Variants in FAM169A observed in about 807,000 individuals in gnomAD.
FAM169A encodes the protein soluble lamin-associated protein of 75 kDa.
FAM169A carries 24 observed loss-of-function variants against 75.7 expected under a neutral mutation model. That is an observed-to-expected ratio of 0.32 (90% CI 0.23 to 0.45). The LOEUF is 0.45. Among genes scored for constraint, FAM169A ranks in the 20% least tolerant of loss-of-function variants. The pLI is 1.00. For synonymous variants in FAM169A, 271 were observed against 271.0 expected (o/e 1.00, Z 0.00); for missense variants, 673 against 784.0 (o/e 0.86, Z 1.69).
chr5:74,823,472 C>A (rs1747865336), intron 5 of FAM169A, among the ~76,000 whole-genome samples: 1 of 152,168 alleles, frequency 6.6e-6, no homozygotes, highest in South Asian at 2.1e-4. Flanking sequence ...GTTGATACCT[C>A]AAATGTATTA....
At chr5:74,857,881 A>G (rs534442330) in intron 1 of FAM169A, among the ~76,000 whole-genome samples, 1 of 152,280 alleles carries the variant, frequency 6.6e-6, no homozygotes, top group Non-Finnish European at 1.5e-5. Context: ...CCTTGGGTCT[A>G]TCCAAGCCAG....
chr5:74,809,538 G>A (rs1747061860), intron 6 of FAM169A, among the ~76,000 whole-genome samples: 1 of 152,180 alleles, frequency 6.6e-6, no homozygotes, highest in South Asian at 2.1e-4. Context: ...AGAGCTTGCA[G>A]TGAGCCGAGA....
chr5:74,837,375 T>A (rs1580146210), intron 4 of FAM169A, among the ~76,000 whole-genome samples: 1 of 152,272 alleles, frequency 6.6e-6, no homozygotes, highest in South Asian at 2.1e-4. Context: ...GATAACCAGG[T>A]ACACACATTC....
chr5:74,831,286 C>T (rs11741825), intron 5 of FAM169A, among the ~76,000 whole-genome samples: 54,363 of 151,984 alleles, frequency 0.36, 12,941 homozygotes, highest in African/African-American at 0.68. Context: ...GATACTAATG[C>T]TTGATTTTGT....
At chr5:74,853,696 T>A (rs1194848334) in intron 1 of FAM169A, among the ~76,000 whole-genome samples, 1 of 150,718 alleles carries the variant, frequency 6.6e-6, no homozygotes, top group African/African-American at 2.4e-5. Context: ...TGACCCATCT[T>A]CAGAATTTTT....
At chr5:74,795,752 C>T (rs572795219) in intron 11 of FAM169A, among the ~76,000 whole-genome samples, 2 of 152,286 alleles carry the variant, frequency 1.3e-5, no homozygotes, top group Admixed American at 6.5e-5. Context: ...TTAACTTATA[C>T]TTTAAATGCA....
At chr5:74,835,559 A>G (rs572779260) in intron 4 of FAM169A, among the ~76,000 whole-genome samples, 2 of 141,280 alleles carry the variant, frequency 1.4e-5, no homozygotes, top group South Asian at 2.2e-4. Flanking sequence ...CTGTGACTGC[A>G]CCACCGCACT....
At chr5:74,783,910 G>A (rs958473192) in intron 11 of FAM169A, among the ~76,000 whole-genome samples, 5 of 151,960 alleles carry the variant, frequency 3.3e-5, no homozygotes, top group Non-Finnish European at 5.9e-5. Context: ...GACTGTGTAG[G>A]ACCCCTAAAA....
intron 11 of FAM169A, among the ~76,000 whole-genome samples, chr5:74,791,490 T>C (rs553301177): frequency 2.0e-5 from 3 of 152,338 alleles, no homozygotes; most frequent in South Asian, 4.1e-4. Context: ...GAAGTTAAGA[T>C]TGCCACTTGG....
At chr5:74,784,460 A>T (rs1367870102) in intron 11 of FAM169A, among the ~76,000 whole-genome samples, 1 of 142,276 alleles carries the variant, frequency 7.0e-6, no homozygotes, top group Non-Finnish European at 1.5e-5. Context: ...TGAGCCAGAG[A>T]GATCATGCCA....
rs1358455077 is a variant in FAM169A, at chr5:74,779,492, T to C, written c.*1968A>G. ...TACAAGTGTTTTCAAATCTAAGAAATGAAACATGTAAAGATTAAGAATTTA... is the reference window on the plus strand; with the variant it reads ...TACAAGTGTTTTCAAATCTAAGAAACGAAACATGTAAAGATTAAGAATTTA... On this transcript the variant is annotated 3_prime_UTR_variant, in exon 13 of 13. Transcript: ENST00000687041. The C allele has an allele frequency of 6.6e-6, 1 of 152,126 alleles. No homozygotes were observed. Among genetic ancestry groups the C allele is most frequent in the Non-Finnish European group, 1.5e-5 (1 of 67,984 alleles). The allele number at this position is 152,126 out of a possible 1,614,324, so 9.4% of individuals were successfully genotyped here.
intron 5 of FAM169A, among the ~76,000 whole-genome samples, chr5:74,819,398 T>C (rs1013193507): frequency 1.3e-5 from 2 of 152,106 alleles, no homozygotes; most frequent in African/African-American, 4.8e-5. Flanking sequence ...ACAGGACAAA[T>C]AGCAAGTGTT....
chr5:74,841,529 C>T lies in FAM169A; in HGVS notation c.132+16G>A, dbSNP rs941412000. ...GAACTGAAAAGATTGATGACAATCA[C>T]TGCAGAACACCTTACCGTAATATTG... On this transcript the variant is annotated intron_variant, in intron 2 of 12. Coordinates refer to ENST00000687041, the MANE Select transcript of FAM169A (RefSeq NM_001376049.1). 2 of 1,598,506 alleles carry T rather than the reference C, an allele frequency of 1.3e-6. No individual in the cohort carries two copies. The highest frequency in any genetic ancestry group is 3.4e-5 in the Admixed American group (2 of 58,546).
rs1438475135 is a variant in FAM169A at position 74,778,695 on chromosome 5, A to G, written c.*2765T>C. Reference sequence around the variant, plus strand: ...AATTTCTGTGATGTCTAGCAATTGAATAATTTAAACTTGAAAGAACTAAAA... The same window carrying G: ...AATTTCTGTGATGTCTAGCAATTGAGTAATTTAAACTTGAAAGAACTAAAA... On this transcript the variant is annotated 3_prime_UTR_variant, in exon 13 of 13. Coordinates refer to ENST00000687041, the MANE Select transcript of FAM169A (RefSeq NM_001376049.1). 1 of 152,102 alleles carries G rather than the reference A, an allele frequency of 6.6e-6. No individual in the cohort carries two copies. Among genetic ancestry groups the G allele is most frequent in the African/African-American group, 2.4e-5 (1 of 41,448 alleles). The allele number at this position is 152,102 out of a possible 1,614,324, so 9.4% of individuals were successfully genotyped here.
rs193261004 is a variant in FAM169A at position 74,860,162 on chromosome 5, C to T, written c.-4+6003G>A. Reference sequence around the variant, plus strand: ...AGAAACAGCAAAGTCAGGATTCAAACCTATGCCTATGGGCTTAAACTGTAG... The same window carrying T: ...AGAAACAGCAAAGTCAGGATTCAAATCTATGCCTATGGGCTTAAACTGTAG... On this transcript the variant is annotated intron_variant, in intron 1 of 12. Coordinates refer to ENST00000687041, the MANE Select transcript of FAM169A (RefSeq NM_001376049.1). Among the ~76,000 whole-genome samples, 606 of 152,292 alleles carry T rather than the reference C, an allele frequency of 4.0e-3. 2 individuals are homozygous for T. The highest frequency in any genetic ancestry group is 0.014 in the African/African-American group (584 of 41,564).
At chr5:74,837,232 C>T (rs930554265) in intron 4 of FAM169A, among the ~76,000 whole-genome samples, 4 of 152,154 alleles carry the variant, frequency 2.6e-5, no homozygotes, top group African/African-American at 9.7e-5. Flanking sequence ...CTTCTTTTCA[C>T]TATCAGAACT....
At chr5:74,841,819 A>C (rs1259803361) in intron 1 of FAM169A, 140 bp from the exon 2 acceptor site, 16 of 665,266 alleles carry the variant, frequency 2.4e-5, no homozygotes, top group Non-Finnish European at 3.6e-5. Context: ...GCAGAATACA[A>C]CTTGAACCTG....
Position 74,781,323 on chromosome 5 carries a change from AAC to A in FAM169A, c.*135_*136del, listed in dbSNP as rs1745396991. Reference sequence around the variant, plus strand: ...TTCTACGTTCTAAAGGGAAGCAAAAAACTGCATAGTAAGTAAGTTCAAATTGA... The same window carrying A: ...TTCTACGTTCTAAAGGGAAGCAAAAATGCATAGTAAGTAAGTTCAAATTGA... On this transcript the variant is annotated 3_prime_UTR_variant, in exon 13 of 13. Coordinates refer to ENST00000687041, the MANE Select transcript of FAM169A (RefSeq NM_001376049.1). 1 of 739,130 alleles carries A rather than the reference AAC, an allele frequency of 1.4e-6. No individual in the cohort carries two copies. 45.8% of individuals were successfully genotyped at this position (739,130 alleles called of 1,614,324 possible).
chr5:74,792,311 T>C (rs1053833861), intron 11 of FAM169A, among the ~76,000 whole-genome samples: 1 of 152,116 alleles, frequency 6.6e-6, no homozygotes, highest in African/African-American at 2.4e-5. Flanking sequence ...TTTGAGTCAG[T>C]GGACTGGAAG....
Sources: allele counts gnomAD v4.1 joint callset (sites outside exome capture counted in the v4.1 genomes callset), GRCh38; gene constraint gnomAD v4.1.1; transcripts MANE v1.5; gene names NCBI Gene and HGNC (gene_info 2026-07-23, HGNC 2026-07-21).